Variants in PARD3B observed in about 807,000 individuals in gnomAD.
PARD3B encodes partitioning defective 3 homolog B.
PARD3B carries 103 observed loss-of-function variants against 130.2 expected under a neutral mutation model. The ratio of observed to expected loss-of-function variants is 0.79; its 90% confidence interval spans 0.67 to 0.93. PARD3B has a LOEUF of 0.93. Among genes scored for constraint, PARD3B ranks in the 40% least tolerant of loss-of-function variants. PARD3B has a pLI of 0.00. For missense variants in PARD3B, 1,609 were observed against 1,499.2 expected, an observed-to-expected ratio of 1.07 and a Z score of -1.21; for synonymous variants, 583 against 553.2, an observed-to-expected ratio of 1.05 and a Z score of -0.76.
chr2:205,104,312 C>G, intron 4 of PARD3B, 114 bp from the exon 5 acceptor site: 1 of 664,736 alleles, frequency 1.5e-6, no homozygotes, highest in Non-Finnish European at 2.6e-6. Flanking sequence ...GAAATTAGAG[C>G]ATACTGTATA....
intron 20 of PARD3B, among the ~76,000 whole-genome samples, chr2:205,448,443 C>A (rs1360509458): frequency 6.6e-6 from 1 of 152,096 alleles, no homozygotes; most frequent in African/African-American, 2.4e-5. Flanking sequence ...AAACAAGATT[C>A]CCCAATAAAT....
intron 2 of PARD3B, among the ~76,000 whole-genome samples, chr2:204,845,368 ATTTG>A (rs2044418436): frequency 6.6e-6 from 1 of 152,154 alleles, no homozygotes; most frequent in African/African-American, 2.4e-5. Flanking sequence ...TATAGGTATA[ATTTG>A]TTATTTTTAA....
chr2:205,098,944 A>G (rs1458236167), intron 4 of PARD3B, among the ~76,000 whole-genome samples: 1 of 152,086 alleles, frequency 6.6e-6, no homozygotes, highest in East Asian at 1.9e-4. Flanking sequence ...GTTGCTAAAA[A>G]CGTTCGCTTT....
intron 20 of PARD3B, among the ~76,000 whole-genome samples, chr2:205,459,262 C>A (rs1397973723): frequency 6.6e-6 from 1 of 152,186 alleles, no homozygotes; most frequent in Non-Finnish European, 1.5e-5. Context: ...TCCTAGCTGT[C>A]TTGGGAGTTC....
At chr2:204,804,169 C>A (rs1211801610) in intron 2 of PARD3B, among the ~76,000 whole-genome samples, 1 of 152,130 alleles carries the variant, frequency 6.6e-6, no homozygotes, top group Admixed American at 6.5e-5. Context: ...GTGGAGGTTG[C>A]AGTGAGCCAA....
rs377245477 is a variant in PARD3B, at chr2:205,172,244, G to A, written c.1654G>A (p.Ala552Thr). ...TCTGCGAATGAATGACCAGCTGATT[G>A]CAGTTAATGGGGAATCTCTTTTGGG... ...GRLRMNDQLI[A>T]VNGESLLGKS... is the part of the protein sequence containing the mutation. The change falls in exon 12 of 23, where the codon GCA becomes ACA. Residue 552 changes from alanine (A) to threonine (T), a missense_variant. Transcript: ENST00000406610. The A allele has an allele frequency of 3.9e-5, 63 of 1,613,952 alleles. No individual in the cohort carries two copies. Among genetic ancestry groups the A allele is most frequent in the African/African-American group, 1.9e-4 (14 of 74,878 alleles).
intron 2 of PARD3B, among the ~76,000 whole-genome samples, chr2:204,894,977 A>G (rs2046588781): frequency 6.6e-6 from 1 of 152,114 alleles, no homozygotes; most frequent in Non-Finnish European, 1.5e-5. Flanking sequence ...CCTTTAAAAT[A>G]CAGAAGCACT....
chr2:204,797,598 G>A (rs2042419658), intron 2 of PARD3B, among the ~76,000 whole-genome samples: 1 of 152,074 alleles, frequency 6.6e-6, no homozygotes, highest in Non-Finnish European at 1.5e-5. Flanking sequence ...AATTGTTTGG[G>A]CAATGATATT....
chr2:205,304,492 G>A (rs562045127), intron 18 of PARD3B, among the ~76,000 whole-genome samples: 8 of 152,042 alleles, frequency 5.3e-5, no homozygotes, highest in South Asian at 4.2e-4. Context: ...AAAATTAGCC[G>A]GGCGTGGTGG....
chr2:204,989,024 A>T (rs1693414821), intron 3 of PARD3B, among the ~76,000 whole-genome samples: 1 of 152,230 alleles, frequency 6.6e-6, no homozygotes, highest in Admixed American at 6.5e-5. Context: ...AGTGCACAAG[A>T]TAGCAGTGGT....
At chr2:205,511,912 G>C (rs1189510705) in intron 21 of PARD3B, among the ~76,000 whole-genome samples, 2 of 152,122 alleles carry the variant, frequency 1.3e-5, no homozygotes, top group African/African-American at 4.8e-5. Context: ...TGTTCTTTCA[G>C]TTTAAGGAAA....
At chr2:204,617,298 G>A (rs1014790845) in intron 1 of PARD3B, among the ~76,000 whole-genome samples, 10 of 152,158 alleles carry the variant, frequency 6.6e-5, no homozygotes, top group African/African-American at 2.2e-4. Context: ...CCTTTAGCCT[G>A]TGACTGTAGA....
intron 1 of PARD3B, among the ~76,000 whole-genome samples, chr2:204,609,336 T>C (rs1449590655): frequency 6.6e-6 from 1 of 152,122 alleles, no homozygotes; most frequent in Non-Finnish European, 1.5e-5. Flanking sequence ...CTCTGTAAAA[T>C]ATTTCAAAAG....
chr2:205,333,909 G>T (rs1315713864), intron 18 of PARD3B, among the ~76,000 whole-genome samples: 3 of 152,102 alleles, frequency 2.0e-5, no homozygotes. Context: ...TCTGTAGGTT[G>T]CAGAAATATA....
chr2:205,538,800 G>T (rs1483249521), intron 21 of PARD3B, among the ~76,000 whole-genome samples: 1 of 152,054 alleles, frequency 6.6e-6, no homozygotes, highest in East Asian at 1.9e-4. Flanking sequence ...ATTTTGTTTT[G>T]TTTTTTAACC....
intron 2 of PARD3B, among the ~76,000 whole-genome samples, chr2:204,687,763 A>C (rs1057454679): frequency 1.3e-5 from 2 of 152,196 alleles, no homozygotes; most frequent in African/African-American, 4.8e-5. Flanking sequence ...AATAATCCAG[A>C]TATTTTAATT....
chr2:204,757,796 G>C (rs1209186907), intron 2 of PARD3B, among the ~76,000 whole-genome samples: 1 of 152,060 alleles, frequency 6.6e-6, no homozygotes, highest in Non-Finnish European at 1.5e-5. Flanking sequence ...AATCCCTTCA[G>C]TTTGAGAAAT....
chr2:205,170,503 C>T lies in PARD3B; in HGVS notation c.1621-1708C>T, dbSNP rs539568034. On this transcript the variant is annotated intron_variant, in intron 11 of 22. Transcript: ENST00000406610. ...TACCCTGCCATCTCCATTTCTTCCC[C>T]GAGTGGGTGTGTCCTCCTATGGGCG... 3.3e-5 allele frequency among the ~76,000 whole-genome samples: 5 copies of T among 152,284 alleles called. No individual in the cohort carries two copies. The South Asian group carries it at 8.3e-4, about 25-fold the overall frequency.
chr2:205,248,267 T>C (rs1425156931), intron 16 of PARD3B, among the ~76,000 whole-genome samples: 1 of 151,942 alleles, frequency 6.6e-6, no homozygotes, highest in African/African-American at 2.4e-5. Context: ...TTACATTTCT[T>C]TCTTTTGGAA....
Sources: allele counts gnomAD v4.1 joint callset (sites outside exome capture counted in the v4.1 genomes callset), GRCh38; gene constraint gnomAD v4.1.1; transcripts MANE v1.5; gene names NCBI Gene and HGNC (gene_info 2026-07-23, HGNC 2026-07-21).